The following PRKCE variants were observed in gnomAD, a reference collection of about 807,000 sequenced individuals.
PRKCE encodes the protein protein kinase C epsilon.
PRKCE carries 16 observed loss-of-function variants against 85.4 expected under a neutral mutation model. That is an observed-to-expected ratio of 0.19 (90% confidence interval 0.13 to 0.28). PRKCE has a LOEUF of 0.28. Among genes scored for constraint, PRKCE ranks in the 10% least tolerant of loss-of-function variants. The pLI is 1.00. For missense variants in PRKCE, 573 were observed against 975.2 expected (o/e 0.59, Z 5.49); for synonymous variants, 388 against 371.5 (o/e 1.04, Z -0.51).
intron 10 of PRKCE, among the ~76,000 whole-genome samples, chr2:46,022,899 A>C (rs917163233): frequency 2.6e-5 from 4 of 151,508 alleles, no homozygotes; most frequent in African/African-American, 9.7e-5. Flanking sequence ...CTGGCTAACA[A>C]GGTGAAATCC....
At chr2:45,757,789 T>G (rs1215377750) in intron 1 of PRKCE, among the ~76,000 whole-genome samples, 4 of 152,168 alleles carry the variant, frequency 2.6e-5, no homozygotes, top group Admixed American at 6.5e-5. Context: ...ATTCATTTCA[T>G]TGGAAATGAG....
intron 2 of PRKCE, among the ~76,000 whole-genome samples, chr2:45,960,565 T>C (rs1463690676): frequency 6.6e-6 from 1 of 152,142 alleles, no homozygotes; most frequent in Non-Finnish European, 1.5e-5. Flanking sequence ...TATGAGAATC[T>C]AATGCTGCTG....
intron 1 of PRKCE, among the ~76,000 whole-genome samples, chr2:45,702,845 C>G (rs148996108): frequency 3.3e-5 from 5 of 152,278 alleles, no homozygotes; most frequent in Admixed American, 6.5e-5. Context: ...ATTTGAACAC[C>G]TTACTCTGGG....
chr2:46,006,973 A>G lies in PRKCE; in HGVS notation c.1064-489A>G, dbSNP rs541391609. Among the ~76,000 whole-genome samples the G allele has an allele frequency of 2.4e-4, 36 of 152,340 alleles. 1 individual carries two copies. In the South Asian group the frequency reaches 7.3e-3, roughly 31 times the overall value. On this transcript the variant is annotated intron_variant, in intron 8 of 14. Coordinates refer to ENST00000306156, the MANE Select transcript of PRKCE (RefSeq NM_005400.3). Reference sequence around the variant, plus strand: ...GTTTTTAGAAGGTATGAAGGTTTCTACCTTCAGTGATCAGCCACCGTTCTG... The same window carrying G: ...GTTTTTAGAAGGTATGAAGGTTTCTGCCTTCAGTGATCAGCCACCGTTCTG...
At chr2:45,716,524 A>G (rs945558257) in intron 1 of PRKCE, among the ~76,000 whole-genome samples, 2 of 150,800 alleles carry the variant, frequency 1.3e-5, no homozygotes, top group Admixed American at 1.3e-4. Flanking sequence ...CTGTCAAGAA[A>G]GAAAAAGAAA....
intron 2 of PRKCE, among the ~76,000 whole-genome samples, chr2:45,875,542 G>A (rs966312362): frequency 2.6e-5 from 4 of 152,210 alleles, no homozygotes; most frequent in African/African-American, 9.6e-5. Flanking sequence ...AGCCCTCTGG[G>A]CACTGATTTA....
chr2:45,863,969 T>A (rs1162674244), intron 2 of PRKCE, among the ~76,000 whole-genome samples: 1 of 152,204 alleles, frequency 6.6e-6, no homozygotes, highest in African/African-American at 2.4e-5. Context: ...CTGCCATTGG[T>A]GTCCTAGACT....
intron 10 of PRKCE, among the ~76,000 whole-genome samples, chr2:46,079,211 A>G (rs1339288335): frequency 1.3e-5 from 2 of 150,962 alleles, no homozygotes; most frequent in African/African-American, 4.9e-5. Flanking sequence ...AGGACTTTCC[A>G]TAGGACTGTT....
At chr2:46,171,302 CT>C (rs1431468221) in intron 14 of PRKCE, among the ~76,000 whole-genome samples, 1 of 152,096 alleles carries the variant, frequency 6.6e-6, no homozygotes, top group African/African-American at 2.4e-5. Flanking sequence ...TGGGGTGCCC[CT>C]AATGTCTACG....
At chr2:46,054,760 A>G (rs970084911) in intron 10 of PRKCE, among the ~76,000 whole-genome samples, 1 of 152,128 alleles carries the variant, frequency 6.6e-6, no homozygotes, top group African/African-American at 2.4e-5. Context: ...TACCACTCCA[A>G]TGTTGCCTTT....
intron 6 of PRKCE, among the ~76,000 whole-genome samples, chr2:45,992,486 C>A (rs1703882809): frequency 6.6e-6 from 1 of 152,216 alleles, no homozygotes; most frequent in Non-Finnish European, 1.5e-5. Context: ...CGGTCGTTCA[C>A]TCTCACACCC....
At chr2:45,776,815 TG>T (rs1445863660) in intron 1 of PRKCE, among the ~76,000 whole-genome samples, 1 of 152,244 alleles carries the variant, frequency 6.6e-6, no homozygotes, top group Non-Finnish European at 1.5e-5. Context: ...TGTATGCCTC[TG>T]GTTCTTTTCT....
At chr2:46,014,140 G>A (rs1251020149) in intron 10 of PRKCE, among the ~76,000 whole-genome samples, 1 of 152,162 alleles carries the variant, frequency 6.6e-6, no homozygotes, top group East Asian at 1.9e-4. Flanking sequence ...AGCTTTCCAG[G>A]GCTAGTGAGA....
At chr2:45,794,967 T>C (rs995897086) in intron 1 of PRKCE, among the ~76,000 whole-genome samples, 1 of 151,910 alleles carries the variant, frequency 6.6e-6, no homozygotes, top group Non-Finnish European at 1.5e-5. Flanking sequence ...CCGCTTCTGC[T>C]GTTGTTGGTT....
intron 2 of PRKCE, among the ~76,000 whole-genome samples, chr2:45,940,550 C>T (rs1310822710): frequency 2.0e-5 from 3 of 152,096 alleles, no homozygotes; most frequent in Admixed American, 1.3e-4. Context: ...GCAGAGAACA[C>T]GTTAATTGGA....
intron 1 of PRKCE, among the ~76,000 whole-genome samples, chr2:45,814,783 G>A (rs767769829): frequency 3.3e-5 from 5 of 152,186 alleles, no homozygotes. Context: ...GTCTTGTAGA[G>A]TACTTCATCC....
At chr2:45,876,675 T>G (rs1482933935) in intron 2 of PRKCE, among the ~76,000 whole-genome samples, 1 of 152,250 alleles carries the variant, frequency 6.6e-6, no homozygotes, top group African/African-American at 2.4e-5. Context: ...GCTGCGCCTT[T>G]GCAGTCACTC....
At chr2:45,837,904 C>G (rs1447672227) in intron 1 of PRKCE, among the ~76,000 whole-genome samples, 1 of 152,116 alleles carries the variant, frequency 6.6e-6, no homozygotes, top group African/African-American at 2.4e-5. Context: ...AACTCGCTAC[C>G]TTACAGATTA....
intron 1 of PRKCE, among the ~76,000 whole-genome samples, chr2:45,703,502 C>T (rs1678851310): frequency 6.6e-6 from 1 of 151,346 alleles, no homozygotes; most frequent in Non-Finnish European, 1.5e-5. Context: ...CACAACACTG[C>T]ACTCTAGCCT....
Sources: allele counts gnomAD v4.1 joint callset (sites outside exome capture counted in the v4.1 genomes callset), GRCh38; gene constraint gnomAD v4.1.1; transcripts MANE v1.5; gene names NCBI Gene and HGNC (gene_info 2026-07-23, HGNC 2026-07-21).